Variants in LMNB1 observed in about 807,000 individuals in gnomAD.
The protein encoded by LMNB1 is lamin-B1.
A neutral mutation model predicts 67.1 loss-of-function variants in LMNB1; 23 were observed. That is an observed-to-expected ratio of 0.34 (90% CI 0.25 to 0.49). The LOEUF (loss-of-function observed/expected upper bound fraction) is 0.49, where lower values mean the gene tolerates loss of function less well. Among genes scored for constraint, LMNB1 ranks in the 20% least tolerant of loss-of-function variants. The pLI, the probability that LMNB1 is intolerant of heterozygous loss-of-function variation, is 0.99. For missense variants in LMNB1, 634 were observed against 746.5 expected (o/e 0.85, Z 1.76); for synonymous variants, 281 against 282.9 (o/e 0.99, Z 0.07).
rs540062859 is a variant in LMNB1, at chr5:126,784,582, C to G, written c.359+6715C>G. ...ATCTTGCCCAGGCTGGTCTTGAGCT[C>G]CTGACCTCGTGATCCACCCGCCTCG... On this transcript the variant is annotated intron_variant, in intron 1 of 10. Coordinates refer to ENST00000261366, the MANE Select transcript of LMNB1 (RefSeq NM_005573.4). 4.9e-3 allele frequency among the ~76,000 whole-genome samples: 739 copies of G among 151,282 alleles called. 10 individuals are homozygous for G. The highest frequency in any genetic ancestry group is 0.017 in the African/African-American group (708 of 41,202).
Position 126,777,862 on chromosome 5 carries a change from C to T in LMNB1, c.354C>T (p.Leu118=). 2 of 1,418,864 alleles carry T rather than the reference C, an allele frequency of 1.4e-6. No individual in the cohort carries two copies. Among genetic ancestry groups the T allele is most frequent in the East Asian group, 5.7e-5 (2 of 34,962 alleles). 87.9% of individuals were successfully genotyped at this position (1,418,864 alleles called of 1,614,324 possible). A position where few individuals can be genotyped will look rare whatever the true frequency, so the allele number is the denominator to read the frequency against. ...GKCKAEHDQL[L]LNYAKKESDL... is the part of the protein sequence containing the mutation. ...GCAAGGCGGAACACGACCAGCTGCT[C>T]CTCAAGTGAGTGCTAGCTGGCGGCC... is the stretch of plus-strand genomic sequence containing the variant. The change falls in exon 1 of 11, where the codon CTC becomes CTT. Residue 118 remains leucine (L), a synonymous_variant. Transcript: ENST00000261366.
intron 7 of LMNB1, 37 bp from the exon 8 acceptor site, chr5:126,822,744 T>C: frequency 7.9e-7 from 1 of 1,264,174 alleles, no homozygotes; most frequent in Non-Finnish European, 1.1e-6. Context: ...TTCTTTATCT[T>C]TGAAGTAACA....
At chr5:126,818,640 A>AAGT (rs1190179491) in intron 5 of LMNB1, among the ~76,000 whole-genome samples, 2 of 152,210 alleles carry the variant, frequency 1.3e-5, no homozygotes, top group Non-Finnish European at 2.9e-5. Context: ...ACCACATCTT[A>AAGT]ACATTTTTTT....
At chr5:126,796,775 CTTTTTTCTTTCTTTTTTTT>C (rs1317867079) in intron 1 of LMNB1, among the ~76,000 whole-genome samples, 1 of 137,212 alleles carries the variant, frequency 7.3e-6, no homozygotes, top group Non-Finnish European at 1.5e-5. Flanking sequence ...TTTTCTTTTT[CTTTTTTCTTTCTTTTTTTT>C]TTTTTTTTTT....
Position 126,808,563 on chromosome 5 carries a change from A to G in LMNB1, c.643-1617A>G, listed in dbSNP as rs141369121. ...CTTCCTTATTATGAACAGTTGGGGG[A>G]AAAAAGGAAGGAGAAAGACGAAAGA... On this transcript the variant is annotated intron_variant, in intron 3 of 10. Coordinates refer to ENST00000261366, the MANE Select transcript of LMNB1 (RefSeq NM_005573.4). Among the ~76,000 whole-genome samples, 85 of 151,920 alleles carry G rather than the reference A, an allele frequency of 5.6e-4. 2 individuals are homozygous for G. The East Asian group carries it at 0.016, about 28-fold the overall frequency.
intron 6 of LMNB1, among the ~76,000 whole-genome samples, chr5:126,820,155 A>T (rs1010762526): frequency 6.6e-6 from 1 of 152,194 alleles, no homozygotes; most frequent in African/African-American, 2.4e-5. Flanking sequence ...AAAAAAAAGA[A>T]AAAGAAAAAA....
chr5:126,777,966 C>G (rs567374793), intron 1 of LMNB1, 99 bp downstream of exon 1: 1 of 1,088,890 alleles, frequency 9.2e-7, no homozygotes, highest in South Asian at 2.0e-5. Flanking sequence ...GGAGCAGAGG[C>G]CAGGATGCAC....
intron 9 of LMNB1, among the ~76,000 whole-genome samples, chr5:126,827,772 G>A (rs1404928202): frequency 6.6e-6 from 1 of 152,240 alleles, no homozygotes. Context: ...AGCCAGTGAA[G>A]TCAGAGGAAA....
intron 1 of LMNB1, among the ~76,000 whole-genome samples, chr5:126,787,546 ATTT>A (rs142332901): frequency 1.1e-4 from 7 of 65,576 alleles, no homozygotes; most frequent in African/African-American, 3.9e-4. Flanking sequence ...ATATATATAT[ATTT>A]TTTTTTTTTT....
chr5:126,822,268 G>C (rs1473788218), intron 7 of LMNB1, among the ~76,000 whole-genome samples: 1 of 152,160 alleles, frequency 6.6e-6, no homozygotes, highest in East Asian at 1.9e-4. Flanking sequence ...GGGATTACAG[G>C]CATGGGCCAC....
At chr5:126,792,619 C>G (rs1350408450) in intron 1 of LMNB1, among the ~76,000 whole-genome samples, 1 of 142,558 alleles carries the variant, frequency 7.0e-6, no homozygotes, top group East Asian at 2.1e-4. Flanking sequence ...TCTTGTTGCC[C>G]AGGCTGGAGT....
intron 9 of LMNB1, among the ~76,000 whole-genome samples, chr5:126,831,273 AATAAAATT>A (rs1752123725): frequency 6.6e-6 from 1 of 152,198 alleles, no homozygotes; most frequent in South Asian, 2.1e-4. Flanking sequence ...CAGGGTACAG[AATAAAATT>A]ATATGCTCTG....
At position 126,793,531 on chromosome 5, in the gene LMNB1, ATCT is replaced by A. The variant is rs1306394324; in HGVS notation, c.360-11240_360-11238del. Among the ~76,000 whole-genome samples the A allele has an allele frequency of 2.6e-5, 4 of 152,338 alleles. No homozygotes were observed. In the East Asian group the frequency reaches 7.7e-4, roughly 29 times the overall value. On this transcript the variant is annotated intron_variant, in intron 1 of 10. Transcript: ENST00000261366. ...TGTAACTTTGAGTTTATGCAAAAGC[ATCT>A]TCTTAGTCTTTTTGCATATGCCAGA...
At chr5:126,797,734 C>T (rs768653858) in intron 1 of LMNB1, among the ~76,000 whole-genome samples, 1 of 152,140 alleles carries the variant, frequency 6.6e-6, no homozygotes, top group Non-Finnish European at 1.5e-5. Context: ...AATATTAACT[C>T]ACTGCATGGC....
At chr5:126,785,975 C>T (rs1300395199) in intron 1 of LMNB1, among the ~76,000 whole-genome samples, 4 of 151,664 alleles carry the variant, frequency 2.6e-5, no homozygotes, top group Non-Finnish European at 4.4e-5. Flanking sequence ...GATCGTGCCA[C>T]TGCACTCCAG....
chr5:126,788,384 T>G (rs192983514), intron 1 of LMNB1, among the ~76,000 whole-genome samples: 173 of 152,222 alleles, frequency 1.1e-3, no homozygotes, highest in Non-Finnish European at 1.9e-3. Context: ...ATGTCTGTAA[T>G]CCCAGCACTT....
chr5:126,791,935 A>G, intron 1 of LMNB1, among the ~76,000 whole-genome samples: 1 of 151,716 alleles, frequency 6.6e-6, no homozygotes, highest in South Asian at 2.1e-4. Context: ...GGTGCCCACC[A>G]TGACACCGGG....
Position 126,790,472 on chromosome 5 carries a change from ATACT to A in LMNB1, c.359+12609_359+12612del, listed in dbSNP as rs553056803. Among the ~76,000 whole-genome samples, 212 of 152,236 alleles carry A rather than the reference ATACT, an allele frequency of 1.4e-3. 2 individuals are homozygous for A. The highest frequency in any genetic ancestry group is 4.5e-3 in the African/African-American group (187 of 41,480). On this transcript the variant is annotated intron_variant, in intron 1 of 10. Transcript: ENST00000261366. ...AGAAGCAACATATGTTATAGCAGAA[ATACT>A]TACATAGTCCCCAGCAGAACTCAGT...
In LMNB1 at chr5:126,829,136, GT is replaced by G. The variant is rs1046637632; in HGVS notation, c.1611+3040del. Among the ~76,000 whole-genome samples, 57 of 146,472 alleles carry G rather than the reference GT, an allele frequency of 3.9e-4. 1 individual carries two copies. The highest frequency in any genetic ancestry group is 9.9e-4 in the East Asian group (5 of 5,044). On this transcript the variant is annotated intron_variant, in intron 9 of 10. Coordinates refer to ENST00000261366, the MANE Select transcript of LMNB1 (RefSeq NM_005573.4). ...TGGCTTAGTCAGTTTTGTTTCTTAT[GT>G]TTTTTTTTTTCTTCTTGCTGGGGCA...
Sources: allele counts gnomAD v4.1 joint callset (sites outside exome capture counted in the v4.1 genomes callset), GRCh38; gene constraint gnomAD v4.1.1; transcripts MANE v1.5; gene names NCBI Gene and HGNC (gene_info 2026-07-23, HGNC 2026-07-21).